The following FOXP1 variants were observed in gnomAD, a reference collection of about 807,000 sequenced individuals.
The protein encoded by FOXP1 is forkhead box P1.
Under a neutral mutation model 98.2 loss-of-function variants are expected in FOXP1, and 15 were observed. That is an observed-to-expected ratio of 0.15 (90% CI 0.10 to 0.24). The LOEUF (loss-of-function observed/expected upper bound fraction) is 0.24, where lower values mean the gene tolerates loss of function less well. FOXP1 is among the 10% of genes least tolerant of loss of function. The pLI, the probability that FOXP1 is intolerant of heterozygous loss-of-function variation, is 1.00. For synonymous variants in FOXP1, 371 were observed against 314.5 expected (o/e 1.18, Z -1.90); for missense variants, 633 against 848.5 (o/e 0.75, Z 3.15).
chr3:71,562,897 A>G (rs540115563), intron 2 of FOXP1, among the ~76,000 whole-genome samples: 96 of 152,252 alleles, frequency 6.3e-4, no homozygotes, highest in African/African-American at 2.3e-3. Flanking sequence ...CTTTGTCTCT[A>G]TTTTATTTGG....
At chr3:71,485,757 C>G (rs2090599593) in intron 3 of FOXP1, among the ~76,000 whole-genome samples, 1 of 140,424 alleles carries the variant, frequency 7.1e-6, no homozygotes, top group East Asian at 2.1e-4. Context: ...GCTTAGACAA[C>G]AAAGAGACTC....
At chr3:71,450,911 T>C (rs2086890465) in intron 3 of FOXP1, among the ~76,000 whole-genome samples, 1 of 152,206 alleles carries the variant, frequency 6.6e-6, no homozygotes, top group African/African-American at 2.4e-5. Flanking sequence ...ATCCATCTAC[T>C]TGATATTGGA....
chr3:71,292,395 CA>C (rs2072851028), intron 5 of FOXP1: 1 of 152,194 alleles, frequency 6.6e-6, no homozygotes, highest in African/African-American at 2.4e-5. Context: ...AGAGCAGTGG[CA>C]TGATCTCAGA....
intron 11 of FOXP1, among the ~76,000 whole-genome samples, chr3:71,027,948 AGTTGGG>A (rs2046347784): frequency 6.6e-6 from 1 of 152,154 alleles, no homozygotes; most frequent in Non-Finnish European, 1.5e-5. Flanking sequence ...CCAATTCTCT[AGTTGGG>A]GAGACAGTGA....
chr3:71,234,332 ACT>A, intron 5 of FOXP1, among the ~76,000 whole-genome samples: 1 of 152,254 alleles, frequency 6.6e-6, no homozygotes, highest in Non-Finnish European at 1.5e-5. Flanking sequence ...CAATCAGCAC[ACT>A]CATCCTCCAC....
At chr3:70,959,435 C>T in intron 20 of FOXP1, 44 bp from the exon 21 acceptor site, 1 of 1,612,388 alleles carries the variant, frequency 6.2e-7, no homozygotes, top group South Asian at 1.1e-5. Context: ...CTTCCCAGCC[C>T]ATTGCAGCTC....
At chr3:71,105,831 A>C (rs1360635665) in intron 7 of FOXP1, among the ~76,000 whole-genome samples, 1 of 152,176 alleles carries the variant, frequency 6.6e-6, no homozygotes, top group East Asian at 1.9e-4. Flanking sequence ...GTAATTATGC[A>C]GATCTGAGTC....
At chr3:71,566,720 G>A (rs575874310) in intron 2 of FOXP1, among the ~76,000 whole-genome samples, 36 of 152,122 alleles carry the variant, frequency 2.4e-4, no homozygotes, top group African/African-American at 8.7e-4. Context: ...GCTGTTCTCT[G>A]GAAAAAAAGC....
At chr3:71,505,690 G>T (rs1313691552) in intron 2 of FOXP1, among the ~76,000 whole-genome samples, 1 of 152,116 alleles carries the variant, frequency 6.6e-6, no homozygotes, top group Non-Finnish European at 1.5e-5. Context: ...CTCCCAAAAT[G>T]CTGGGATTAC....
At chr3:71,503,636 G>A (rs954171471) in intron 2 of FOXP1, among the ~76,000 whole-genome samples, 2 of 148,772 alleles carry the variant, frequency 1.3e-5, no homozygotes, top group African/African-American at 4.9e-5. Context: ...ACGAATTAAG[G>A]TTGTAGCACC....
At chr3:71,193,803 T>C (rs1266067641) in intron 6 of FOXP1, among the ~76,000 whole-genome samples, 1 of 152,174 alleles carries the variant, frequency 6.6e-6, no homozygotes, top group Admixed American at 6.5e-5. Flanking sequence ...TCCCACCCAT[T>C]TCTCTGAGCT....
chr3:71,261,637 T>C (rs1279492640), intron 5 of FOXP1, among the ~76,000 whole-genome samples: 5 of 152,174 alleles, frequency 3.3e-5, no homozygotes, highest in African/African-American at 1.2e-4. Flanking sequence ...ACTAAAGCTG[T>C]GTTACTGAGA....
chr3:70,994,634 C>G (rs2041106985), intron 13 of FOXP1, among the ~76,000 whole-genome samples: 1 of 152,176 alleles, frequency 6.6e-6, no homozygotes, highest in Non-Finnish European at 1.5e-5. Context: ...ACCTTACTAT[C>G]TGTATCCAGT....
chr3:71,049,021 C>T (rs116435729), intron 9 of FOXP1, among the ~76,000 whole-genome samples: 6 of 152,178 alleles, frequency 3.9e-5, no homozygotes, highest in South Asian at 4.2e-4. Flanking sequence ...AAAGCAACAC[C>T]GGTTGCCAAA....
At chr3:71,405,062 C>A (rs1005272648) in intron 3 of FOXP1, among the ~76,000 whole-genome samples, 2 of 152,214 alleles carry the variant, frequency 1.3e-5, no homozygotes, top group Admixed American at 1.3e-4. Context: ...CAGCACGCAG[C>A]CACCAACTTC....
intron 3 of FOXP1, among the ~76,000 whole-genome samples, chr3:71,370,757 C>T: frequency 6.6e-6 from 1 of 151,156 alleles, no homozygotes; most frequent in Non-Finnish European, 1.5e-5. Context: ...GGTCTTGTTA[C>T]AAGCACATTG....
chr3:71,194,698 T>A (rs888370654), intron 6 of FOXP1, among the ~76,000 whole-genome samples: 4 of 152,052 alleles, frequency 2.6e-5, no homozygotes, highest in African/African-American at 9.7e-5. Context: ...GGTGCAGGGA[T>A]AATAGGAAAT....
intron 4 of FOXP1, chr3:71,329,762 G>A (rs2076187462): frequency 6.6e-6 from 1 of 152,184 alleles, no homozygotes; most frequent in Admixed American, 6.5e-5. Flanking sequence ...ATGTCTAGGT[G>A]TAATTTTGAT....
At chr3:71,341,330 T>C (rs1024900707) in intron 4 of FOXP1, among the ~76,000 whole-genome samples, 1 of 152,190 alleles carries the variant, frequency 6.6e-6, no homozygotes, top group Admixed American at 6.6e-5. Context: ...CAAGTGGAGA[T>C]TAAACTATAC....
Sources: gnomAD v4.1 joint callset for allele counts (sites outside exome capture counted in the v4.1 genomes callset) on GRCh38, gnomAD v4.1.1 for gene constraint, MANE v1.5 for transcripts, NCBI Gene and HGNC (gene_info 2026-07-23, HGNC 2026-07-21) for gene names.